STOX1: variants seen among roughly 807,000 people sequenced by gnomAD.
STOX1 encodes storkhead-box protein 1.
In STOX1, 57 loss-of-function variants were observed where a neutral mutation model predicts 74.8. That is an observed-to-expected ratio of 0.76 (90% CI 0.62 to 0.95). The LOEUF (loss-of-function observed/expected upper bound fraction) is 0.95, where lower values mean the gene tolerates loss of function less well. Among genes scored for constraint, STOX1 ranks in the 40% least tolerant of loss-of-function variants. The pLI is 0.00. For synonymous variants in STOX1, 375 were observed against 401.3 expected (o/e 0.93, Z 0.78); for missense variants, 1,010 against 1,117.0 (o/e 0.90, Z 1.37).
chr10:68,860,267 C>T (rs992291300), intron 1 of STOX1, among the ~76,000 whole-genome samples: 2 of 149,848 alleles, frequency 1.3e-5, no homozygotes, highest in African/African-American at 2.5e-5. Flanking sequence ...GACTCTGTCT[C>T]GGTGGGGGAA....
chr10:68,845,327 G>T (rs1386795201), intron 1 of STOX1, among the ~76,000 whole-genome samples: 1 of 146,274 alleles, frequency 6.8e-6, no homozygotes, highest in Admixed American at 6.9e-5. Flanking sequence ...AGGCTGGAGT[G>T]CAGTGGCGCC....
At chr10:68,834,494 G>A (rs1040528518) in intron 1 of STOX1, among the ~76,000 whole-genome samples, 4 of 152,172 alleles carry the variant, frequency 2.6e-5, no homozygotes, top group Admixed American at 2.6e-4. Context: ...AATGACAGTA[G>A]GACATCTTAC....
chr10:68,833,009 A>G (rs899041808), intron 1 of STOX1, among the ~76,000 whole-genome samples: 2 of 150,864 alleles, frequency 1.3e-5, no homozygotes, highest in African/African-American at 2.4e-5. Context: ...GGCTCAAACA[A>G]TCCTCCTGCC....
At chr10:68,890,541 A>G (rs1348151454) in intron 3 of STOX1, among the ~76,000 whole-genome samples, 1 of 152,144 alleles carries the variant, frequency 6.6e-6, no homozygotes. Flanking sequence ...TTATTTTTAC[A>G]TAAAAATGTT....
Position 68,844,291 on chromosome 10 carries a change from C to T in STOX1, c.310+16358C>T, listed in dbSNP as rs1170122420. On this transcript the variant is annotated intron_variant, in intron 1 of 3. Coordinates refer to ENST00000298596, the MANE Select transcript of STOX1 (RefSeq NM_152709.5). ...GTGTGCTTGTTTGCTATGTCTGGAT[C>T]TTCTTTTTTTTTTTTTTTTTTTTTG... is the stretch of plus-strand genomic sequence containing the variant. Among the ~76,000 whole-genome samples the T allele has an allele frequency of 2.3e-3, 203 of 87,224 alleles. 2 individuals are homozygous for T. The highest frequency in any genetic ancestry group is 7.1e-3 in the African/African-American group (191 of 26,802). The allele number at this position is 87,224 out of a possible 152,430, so 57.2% of individuals were successfully genotyped here.
At chr10:68,863,341 G>C (rs1472471171) in intron 1 of STOX1, among the ~76,000 whole-genome samples, 1 of 152,014 alleles carries the variant, frequency 6.6e-6, no homozygotes, top group African/African-American at 2.4e-5. Flanking sequence ...CATTGTGACT[G>C]GTTGTCCCGC....
intron 1 of STOX1, among the ~76,000 whole-genome samples, chr10:68,835,460 C>T (rs1424377373): frequency 6.6e-6 from 1 of 152,124 alleles, no homozygotes; most frequent in African/African-American, 2.4e-5. Context: ...GCAGCTGGGA[C>T]TACAGGCACC....
intron 1 of STOX1, among the ~76,000 whole-genome samples, 177 bp from the exon 2 acceptor site, chr10:68,881,781 T>C (rs1041773594): frequency 6.6e-6 from 1 of 152,216 alleles, no homozygotes; most frequent in African/African-American, 2.4e-5. Flanking sequence ...ATGTAAATCT[T>C]TTTCTTGCAT....
intron 1 of STOX1, among the ~76,000 whole-genome samples, chr10:68,881,724 T>A (rs1840816970): frequency 6.6e-6 from 1 of 150,578 alleles, no homozygotes; most frequent in East Asian, 1.9e-4. Context: ...TGCCATCTCT[T>A]ACTTGTAGAG....
At position 68,845,048 on chromosome 10, in the gene STOX1, C is replaced by T. The variant is rs550929247; in HGVS notation, c.310+17115C>T. 5.3e-5 allele frequency among the ~76,000 whole-genome samples: 8 copies of T among 152,160 alleles called. No individual in the cohort carries two copies. In the East Asian group the frequency reaches 1.2e-3, roughly 22 times the overall value. On this transcript the variant is annotated intron_variant, in intron 1 of 3. Coordinates refer to ENST00000298596, the MANE Select transcript of STOX1 (RefSeq NM_152709.5). The stretch of plus-strand genomic sequence containing the variant: ...AGAGTGCTGGGATTATAGGTGTGAG[C>T]GACAGTGCCTGGCCAGCTTGTCTTT...
intron 1 of STOX1, among the ~76,000 whole-genome samples, chr10:68,832,109 A>G (rs1298471264): frequency 6.6e-6 from 1 of 152,070 alleles, no homozygotes; most frequent in Non-Finnish European, 1.5e-5. Context: ...GGCTTTCACA[A>G]ATGAAAGAGT....
intron 2 of STOX1, among the ~76,000 whole-genome samples, chr10:68,883,948 TCCTGGGCTC>T (rs1840872484): frequency 6.6e-6 from 1 of 152,090 alleles, no homozygotes; most frequent in African/African-American, 2.4e-5. Flanking sequence ...GGTCTTGAAC[TCCTGGGCTC>T]AAATGATCCT....
chr10:68,892,322 G>T (rs1330179631), intron 3 of STOX1, among the ~76,000 whole-genome samples: 1 of 151,746 alleles, frequency 6.6e-6, no homozygotes, highest in Non-Finnish European at 1.5e-5. Flanking sequence ...TTTCTGACTA[G>T]AACATACTTG....
intron 1 of STOX1, among the ~76,000 whole-genome samples, chr10:68,853,087 T>C (rs1840030296): frequency 6.6e-6 from 1 of 152,028 alleles, no homozygotes; most frequent in African/African-American, 2.4e-5. Flanking sequence ...CATGCCCAGC[T>C]AATTTTTTGT....
chr10:68,863,723 G>A (rs114098007), intron 1 of STOX1, among the ~76,000 whole-genome samples: 87 of 152,156 alleles, frequency 5.7e-4, no homozygotes, highest in African/African-American at 2.0e-3. Context: ...GTCACAAGTT[G>A]CTCATCTGTA....
chr10:68,878,939 C>G (rs913844103), intron 1 of STOX1, among the ~76,000 whole-genome samples: 2 of 152,184 alleles, frequency 1.3e-5, no homozygotes, highest in Non-Finnish European at 2.9e-5. Context: ...ACATTGCTGT[C>G]ATTAACACCC....
chr10:68,884,477 T>G lies in STOX1; in HGVS notation c.681T>G (p.Cys227Trp). The G allele has an allele frequency of 2.5e-6, 4 of 1,613,822 alleles. No individual in the cohort carries two copies. Among genetic ancestry groups the G allele is most frequent in the Non-Finnish European group, 3.4e-6 (4 of 1,179,994 alleles). The stretch of plus-strand genomic sequence containing the variant: ...CATATCTGGTGAGCATGGAGAGCTG[T>G]GCAGAGTCAGCCCAAGAGAATGCTG... ...SMTYLVSMES[C>W]AESAQENAAP... The change falls in exon 3 of 4, where the codon TGT (cysteine) becomes TGG (tryptophan). Residue 227 changes from cysteine (C) to tryptophan (W), a missense_variant. Cys to Trp is a radical substitution (Grantham distance 215). Coordinates refer to ENST00000298596, the MANE Select transcript of STOX1 (RefSeq NM_152709.5).
intron 1 of STOX1, among the ~76,000 whole-genome samples, chr10:68,863,792 A>G (rs1015586684): frequency 2.0e-5 from 3 of 152,146 alleles, no homozygotes; most frequent in African/African-American, 7.3e-5. Flanking sequence ...AAGAATCAGA[A>G]ATCACTTTAA....
rs200509360 is a variant in STOX1, at chr10:68,884,361, C to T, written c.565C>T (p.Pro189Ser). The T allele has an allele frequency of 2.2e-4, 359 of 1,614,112 alleles. No individual in the cohort carries two copies. Among genetic ancestry groups the T allele is most frequent in the Non-Finnish European group, 2.8e-4 (325 of 1,180,000 alleles). Residue 189 changes from proline (P) to serine (S), a missense_variant, in exon 3 of 4, where the codon CCT (proline) becomes TCT (serine). Pro to Ser is a moderately conservative substitution (Grantham distance 74). Transcript: ENST00000298596. ...TGGAGAAGGATACTTCATAGTTACT[C>T]CTCAGACTTACTTCATTACAAATAC... ...HTGEGYFIVT[P>S]QTYFITNTTT...
Sources: allele counts gnomAD v4.1 joint callset (sites outside exome capture counted in the v4.1 genomes callset), GRCh38; gene constraint gnomAD v4.1.1; transcripts MANE v1.5; gene names NCBI Gene and HGNC (gene_info 2026-07-23, HGNC 2026-07-21).